The following CRACD variants were observed in gnomAD, a reference collection of about 807,000 sequenced individuals.
CRACD encodes the protein capping protein inhibiting regulator of actin dynamics, also known as capping protein-inhibiting regulator of actin dynamics.
A neutral mutation model predicts 106.8 loss-of-function variants in CRACD; 56 were observed. The observed-to-expected ratio is 0.52, with a 90% CI of 0.42 to 0.66. The LOEUF (loss-of-function observed/expected upper bound fraction) is 0.66, where lower values mean the gene tolerates loss of function less well. Among genes scored for constraint, CRACD ranks in the 30% least tolerant of loss-of-function variants. The pLI, the probability that CRACD is intolerant of heterozygous loss-of-function variation, is 0.00. For missense variants in CRACD, 1,730 were observed against 1,623.2 expected (o/e 1.07, Z -1.13); for synonymous variants, 754 against 670.8 (o/e 1.12, Z -1.92).
chr4:56,077,534 GTT>G (rs1268542020), intron 1 of CRACD, among the ~76,000 whole-genome samples: 1 of 152,170 alleles, frequency 6.6e-6, no homozygotes, highest in Non-Finnish European at 1.5e-5. Flanking sequence ...GTCTTCTGTA[GTT>G]TCCTAGTAAC....
intron 1 of CRACD, among the ~76,000 whole-genome samples, chr4:56,150,832 A>G (rs1203048779): frequency 1.3e-5 from 2 of 152,194 alleles, no homozygotes; most frequent in East Asian, 1.9e-4. Flanking sequence ...CAGGGCTGCT[A>G]TGAACATCCT....
At chr4:56,067,044 G>C (rs1341177679) in intron 1 of CRACD, among the ~76,000 whole-genome samples, 1 of 152,178 alleles carries the variant, frequency 6.6e-6, no homozygotes, top group African/African-American at 2.4e-5. Context: ...AGATGGTTCA[G>C]AGGGAAAGTT....
intron 1 of CRACD, among the ~76,000 whole-genome samples, chr4:56,174,971 CTT>C (rs1256489744): frequency 6.6e-6 from 1 of 152,130 alleles, no homozygotes; most frequent in East Asian, 1.9e-4. Flanking sequence ...AAGTGCCACA[CTT>C]TTAAACTATC....
At chr4:56,147,948 T>A (rs1735445674) in intron 1 of CRACD, among the ~76,000 whole-genome samples, 2 of 152,220 alleles carry the variant, frequency 1.3e-5, no homozygotes, top group African/African-American at 4.8e-5. Flanking sequence ...GGTAGTCGGT[T>A]GGGCCCTAAC....
chr4:56,308,128 T>C (rs1487544471), intron 5 of CRACD, among the ~76,000 whole-genome samples: 1 of 152,224 alleles, frequency 6.6e-6, no homozygotes, highest in Non-Finnish European at 1.5e-5. Flanking sequence ...TGACACATCT[T>C]TGTCTCCCTA....
rs547755391 is a variant in CRACD at position 56,252,568 on chromosome 4, T to A, written c.-188-19753T>A. On this transcript the variant is annotated intron_variant, in intron 2 of 10. Coordinates refer to ENST00000682029, the MANE Select transcript of CRACD (RefSeq NM_001393381.1). ...CTCATTGGCTAGCCATAGTCCCAGATCTGTACTGAATAGAGTGGAAACAGG... is the reference window on the plus strand; with the variant it reads ...CTCATTGGCTAGCCATAGTCCCAGAACTGTACTGAATAGAGTGGAAACAGG... 2.0e-5 allele frequency among the ~76,000 whole-genome samples: 3 copies of A among 152,304 alleles called. No homozygotes were observed. In the South Asian group the frequency reaches 6.2e-4, roughly 32 times the overall value.
intron 2 of CRACD, among the ~76,000 whole-genome samples, chr4:56,254,285 G>A (rs1466959194): frequency 6.6e-6 from 1 of 152,156 alleles, no homozygotes; most frequent in Non-Finnish European, 1.5e-5. Flanking sequence ...GTGCAACGGA[G>A]TAAGTCTAAG....
At chr4:56,216,185 AAC>A (rs1245177267) in intron 2 of CRACD, 1 of 152,224 alleles carries the variant, frequency 6.6e-6, no homozygotes, top group African/African-American at 2.4e-5. Context: ...ACCCTCTGGA[AAC>A]ACAGAGCTGT....
intron 2 of CRACD, among the ~76,000 whole-genome samples, chr4:56,224,829 C>T (rs1013417109): frequency 6.6e-6 from 1 of 152,200 alleles, no homozygotes; most frequent in Non-Finnish European, 1.5e-5. Context: ...CCAGCTCTTC[C>T]AGCACAAGAC....
intron 2 of CRACD, among the ~76,000 whole-genome samples, chr4:56,226,139 A>G (rs1438547541): frequency 6.6e-6 from 1 of 152,148 alleles, no homozygotes; most frequent in Non-Finnish European, 1.5e-5. Context: ...GTTTTCTACC[A>G]AGGTTGGAGT....
chr4:56,235,309 G>A (rs1389796408), intron 2 of CRACD, among the ~76,000 whole-genome samples: 1 of 152,130 alleles, frequency 6.6e-6, no homozygotes, highest in Non-Finnish European at 1.5e-5. Flanking sequence ...TTCTGTTTAG[G>A]AACAATGAAA....
At chr4:56,224,437 T>G (rs1739194193) in intron 2 of CRACD, among the ~76,000 whole-genome samples, 1 of 152,248 alleles carries the variant, frequency 6.6e-6, no homozygotes, top group Admixed American at 6.5e-5. Context: ...TACTAAATTT[T>G]CTTGTGTTTT....
At chr4:56,213,447 AAAAAT>A (rs138574641) in intron 2 of CRACD, among the ~76,000 whole-genome samples, 10,357 of 152,000 alleles carry the variant, frequency 0.068, 1,171 homozygotes, top group African/African-American at 0.24. Context: ...ACTCCACCTC[AAAAAT>A]AAAATAAAAT....
At chr4:56,213,679 G>C (rs1000073705) in intron 2 of CRACD, among the ~76,000 whole-genome samples, 13 of 152,176 alleles carry the variant, frequency 8.5e-5, no homozygotes, top group African/African-American at 2.4e-4. Context: ...TTTGGTGTTT[G>C]CCTTATTTCT....
Position 56,097,957 on chromosome 4 carries a change from C to T in CRACD, c.-336+48658C>T, listed in dbSNP as rs114224526. ...TTCTGTAAATCAACACTTAAATTTA[C>T]TAAAGGAAACCCAGAATGAAAAAAA... On this transcript the variant is annotated intron_variant, in intron 1 of 10. Transcript: ENST00000682029. 1.0e-2 allele frequency among the ~76,000 whole-genome samples: 1,520 copies of T among 152,046 alleles called. 28 individuals are homozygous for T. Among genetic ancestry groups the T allele is most frequent in the African/African-American group, 0.034 (1,415 of 41,466 alleles).
At position 56,081,985 on chromosome 4, in the gene CRACD, G is replaced by C. The variant is rs569895275; in HGVS notation, c.-336+32686G>C. ...GCCAGACTCCGTCTCAAAAAAAAAA[G>C]GCTGGGTTTCTGCTTTCAAGGTGCT... On this transcript the variant is annotated intron_variant, in intron 1 of 10. Transcript: ENST00000682029. 7.9e-5 allele frequency among the ~76,000 whole-genome samples: 12 copies of C among 151,672 alleles called. No individual in the cohort carries two copies. In the East Asian group the frequency reaches 1.4e-3, roughly 17 times the overall value.
At position 56,269,593 on chromosome 4, in the gene CRACD, T is replaced by A. The variant is rs546601008; in HGVS notation, c.-188-2728T>A. On this transcript the variant is annotated intron_variant, in intron 2 of 10. Coordinates refer to ENST00000682029, the MANE Select transcript of CRACD (RefSeq NM_001393381.1). ...TTTTTTTTTTTTTTTTGAGACAGAG[T>A]CTCCCTCTGTCACCCAGGCTGGAGT... Among the ~76,000 whole-genome samples the A allele has an allele frequency of 3.0e-5, 4 of 133,296 alleles. No homozygotes were observed. The East Asian group carries it at 8.8e-4, about 29-fold the overall frequency. The allele number at this position is 133,296 out of a possible 152,430, so 87.4% of individuals were successfully genotyped here.
rs558123132 is a variant in CRACD, at chr4:56,300,016, T to TGGC, written c.120+1667_120+1668insGGC. On this transcript the variant is annotated intron_variant, in intron 4 of 10. Coordinates refer to ENST00000682029, the MANE Select transcript of CRACD (RefSeq NM_001393381.1). ...AGCTGGGCGTGGTGGCAGGCGCCTG[T>TGGC]AGTCCCAGCTACTCAGGAGGCTGAG... is the stretch of plus-strand genomic sequence containing the variant. Among the ~76,000 whole-genome samples, 1,243 of 152,092 alleles carry TGGC rather than the reference T, an allele frequency of 8.2e-3. 12 individuals carry two copies. The highest frequency in any genetic ancestry group is 0.029 in the African/African-American group (1,193 of 41,482).
intron 3 of CRACD, among the ~76,000 whole-genome samples, chr4:56,272,945 G>A (rs1481195077): frequency 3.3e-5 from 5 of 151,138 alleles, no homozygotes; most frequent in Non-Finnish European, 7.4e-5. Context: ...CTCTGGGAAC[G>A]TGTAAGACTT....
Sources: allele counts gnomAD v4.1 joint callset (sites outside exome capture counted in the v4.1 genomes callset), GRCh38; gene constraint gnomAD v4.1.1; transcripts MANE v1.5; gene names NCBI Gene and HGNC (gene_info 2026-07-23, HGNC 2026-07-21).